Variants in SFMBT2 observed in about 807,000 individuals in gnomAD.
The protein encoded by SFMBT2 is Scm like with four mbt domains 2.
In SFMBT2, 38 loss-of-function variants were observed where a neutral mutation model predicts 110.1. The ratio of observed to expected loss-of-function variants is 0.35; its 90% CI spans 0.27 to 0.45. The LOEUF is 0.45. SFMBT2 is among the 20% of genes least tolerant of loss of function. SFMBT2 has a pLI of 1.00. For missense variants in SFMBT2, 1,011 were observed against 1,094.9 expected, an observed-to-expected ratio of 0.92 and a Z score of 1.08; for synonymous variants, 425 against 425.4, an observed-to-expected ratio of 1.00 and a Z score of 0.01.
chr10:7,315,066 AAG>A (rs953497007), intron 4 of SFMBT2, among the ~76,000 whole-genome samples: 3 of 142,324 alleles, frequency 2.1e-5, no homozygotes, highest in South Asian at 4.3e-4. Context: ...GAAAGAAAGA[AAG>A]AAAGAAAGAA....
intron 4 of SFMBT2, among the ~76,000 whole-genome samples, chr10:7,307,654 T>A (rs994959357): frequency 6.6e-6 from 1 of 152,226 alleles, no homozygotes; most frequent in Admixed American, 6.5e-5. Flanking sequence ...TTCTGCTATA[T>A]GCACTGCCTG....
chr10:7,268,171 T>G (rs999957747), intron 7 of SFMBT2, among the ~76,000 whole-genome samples: 1 of 152,242 alleles, frequency 6.6e-6, no homozygotes, highest in Non-Finnish European at 1.5e-5. Context: ...GCTTTTATTT[T>G]CTAGTCTCCT....
At chr10:7,400,976 T>C (rs1006262411) in intron 1 of SFMBT2, among the ~76,000 whole-genome samples, 4 of 151,792 alleles carry the variant, frequency 2.6e-5, no homozygotes, top group African/African-American at 7.3e-5. Flanking sequence ...CTACTAAAAA[T>C]ACAAAAATTA....
At chr10:7,353,291 A>T (rs941448975) in intron 4 of SFMBT2, among the ~76,000 whole-genome samples, 1 of 152,190 alleles carries the variant, frequency 6.6e-6, no homozygotes, top group Non-Finnish European at 1.5e-5. Context: ...CAGTGGACCA[A>T]ATCAACAGCC....
intron 1 of SFMBT2, among the ~76,000 whole-genome samples, chr10:7,398,060 A>G (rs936567201): frequency 1.2e-4 from 19 of 152,246 alleles, no homozygotes; most frequent in African/African-American, 4.6e-4. Flanking sequence ...TTCCACTCAA[A>G]ATAGATTGAA....
chr10:7,314,147 T>C (rs920418632), intron 4 of SFMBT2, among the ~76,000 whole-genome samples: 2 of 152,250 alleles, frequency 1.3e-5, no homozygotes, highest in African/African-American at 4.8e-5. Flanking sequence ...TAATTTAGAA[T>C]CATTGCACGT....
Position 7,198,173 on chromosome 10 carries a change from T to C in SFMBT2, c.1559-486A>G, listed in dbSNP as rs74861170. 1.5e-3 allele frequency: 1,474 copies of C among 984,012 alleles called. 15 individuals are homozygous for C. In the African/African-American group the frequency reaches 0.024, roughly 16 times the overall value. The allele number at this position is 984,012 out of a possible 1,614,324, so 61.0% of individuals were successfully genotyped here. A position where few individuals can be genotyped will look rare whatever the true frequency, so the allele number is the denominator to read the frequency against. On this transcript the variant is annotated intron_variant, in intron 14 of 20. Coordinates refer to ENST00000397167, the MANE Select transcript of SFMBT2 (RefSeq NM_001387889.1). ...TCCATAAATTATTTCCTGCAAGATATTGTTTGTTTGCTTAACAAGAAGTTT... is the reference window on the plus strand; with the variant it reads ...TCCATAAATTATTTCCTGCAAGATACTGTTTGTTTGCTTAACAAGAAGTTT...
chr10:7,175,460 C>G lies in SFMBT2; in HGVS notation c.1984+530G>C, dbSNP rs144633422. On this transcript the variant is annotated intron_variant, in intron 17 of 20. Coordinates refer to ENST00000397167, the MANE Select transcript of SFMBT2 (RefSeq NM_001387889.1). Reference sequence around the variant, plus strand: ...TGTCCTGGGAGAGAGGCAAAGCCAACTGGCAGAAAAGAAAGTGATGGTGGC... The same window carrying G: ...TGTCCTGGGAGAGAGGCAAAGCCAAGTGGCAGAAAAGAAAGTGATGGTGGC... Among the ~76,000 whole-genome samples the G allele has an allele frequency of 3.3e-5, 5 of 152,308 alleles. No homozygotes were observed. In the East Asian group the frequency reaches 9.6e-4, roughly 29 times the overall value.
chr10:7,274,039 T>C (rs141426131), intron 7 of SFMBT2, among the ~76,000 whole-genome samples: 1,820 of 152,316 alleles, frequency 0.012, 21 homozygotes, highest in Non-Finnish European at 0.019. Context: ...CAAATGTTCA[T>C]CAGTGATAGA....
chr10:7,242,763 T>C (rs1028500521), intron 9 of SFMBT2, among the ~76,000 whole-genome samples: 1 of 152,242 alleles, frequency 6.6e-6, no homozygotes, highest in African/African-American at 2.4e-5. Flanking sequence ...CTGTGGGAAC[T>C]GCATGATTCT....
chr10:7,278,745 AC>A (rs1277243033), intron 6 of SFMBT2, among the ~76,000 whole-genome samples: 8 of 152,068 alleles, frequency 5.3e-5, no homozygotes, highest in Non-Finnish European at 8.8e-5. Flanking sequence ...GACTAGTTAT[AC>A]CCTTGACCCT....
At chr10:7,282,448 C>G (rs1006487974) in intron 6 of SFMBT2, among the ~76,000 whole-genome samples, 1 of 152,192 alleles carries the variant, frequency 6.6e-6, no homozygotes, top group Non-Finnish European at 1.5e-5. Flanking sequence ...GATGTATACA[C>G]ACAACTTTAC....
At position 7,338,990 on chromosome 10, in the gene SFMBT2, A is replaced by C. The variant is rs142125166; in HGVS notation, c.436+28659T>G. On this transcript the variant is annotated intron_variant, in intron 4 of 20. Coordinates refer to ENST00000397167, the MANE Select transcript of SFMBT2 (RefSeq NM_001387889.1). ...CACAGCGGCTCACACCTGTAATCCT[A>C]CCACTTTGGGAGGCTGAGGTGGGCA... 2.8e-3 allele frequency among the ~76,000 whole-genome samples: 423 copies of C among 152,292 alleles called. 2 individuals are homozygous for C. Among genetic ancestry groups the C allele is most frequent in the African/African-American group, 9.7e-3 (405 of 41,564 alleles).
intron 1 of SFMBT2, among the ~76,000 whole-genome samples, chr10:7,386,811 T>A (rs1420611777): frequency 6.6e-6 from 1 of 152,214 alleles, no homozygotes; most frequent in Non-Finnish European, 1.5e-5. Context: ...ACTAAGTACA[T>A]AATAAACATG....
At chr10:7,192,178 A>G (rs1009007631) in intron 15 of SFMBT2, among the ~76,000 whole-genome samples, 2 of 152,220 alleles carry the variant, frequency 1.3e-5, no homozygotes, top group Non-Finnish European at 1.5e-5. Flanking sequence ...TGTTCAGCAT[A>G]AATTGAAAAC....
chr10:7,352,148 G>A (rs1018765756), intron 4 of SFMBT2, among the ~76,000 whole-genome samples: 2 of 152,100 alleles, frequency 1.3e-5, no homozygotes, highest in Admixed American at 1.3e-4. Flanking sequence ...CCACTTACTA[G>A]ACATAACTCA....
At chr10:7,336,894 G>GA (rs1243433544) in intron 4 of SFMBT2, among the ~76,000 whole-genome samples, 1 of 152,172 alleles carries the variant, frequency 6.6e-6, no homozygotes, top group African/African-American at 2.4e-5. Flanking sequence ...CGTGAAGACA[G>GA]AACAGAGACA....
rs544181076 is a variant in SFMBT2, at chr10:7,207,690, A to T, written c.1331-1762T>A. On this transcript the variant is annotated intron_variant, in intron 11 of 20. Transcript: ENST00000397167. ...CACGAAGCTAAATGCCAACAACCAA[A>T]CACAAAATGGTCCTAAATCTGGTGC... is the stretch of plus-strand genomic sequence containing the variant. The T allele has an allele frequency of 7.3e-6, 6 of 819,206 alleles. No individual in the cohort carries two copies. In the South Asian group the frequency reaches 3.4e-4, roughly 46 times the overall value. 50.7% of individuals were successfully genotyped at this position (819,206 alleles called of 1,614,324 possible). A position where few individuals can be genotyped will look rare whatever the true frequency, so the allele number is the denominator to read the frequency against.
At position 7,301,306 on chromosome 10, in the gene SFMBT2, A is replaced by G. The variant is rs1304738646; in HGVS notation, c.437-15352T>C. 6.6e-6 allele frequency among the ~76,000 whole-genome samples: 1 copy of G among 152,260 alleles called. No homozygotes were observed. Among genetic ancestry groups the G allele is most frequent in the African/African-American group, 2.4e-5 (1 of 41,476 alleles). On this transcript the variant is annotated intron_variant, in intron 4 of 20. Transcript: ENST00000397167. The surrounding 1 kb of genome is among the most constrained non-coding windows in gnomAD (Gnocchi z 4.2). ...AGTAACTAGCAAGACACTATGGACTAGTTGCCAGTCCCTCTACAGGGATCG... is the reference window on the plus strand; with the variant it reads ...AGTAACTAGCAAGACACTATGGACTGGTTGCCAGTCCCTCTACAGGGATCG...
Sources: gnomAD v4.1 joint callset for allele counts (sites outside exome capture counted in the v4.1 genomes callset) on GRCh38, gnomAD v4.1.1 for gene constraint, Gnocchi (gnomAD v3.1) non-coding constraint, MANE v1.5 for transcripts, NCBI Gene and HGNC (gene_info 2026-07-23, HGNC 2026-07-21) for gene names.